Variants in CAMTA1 observed in about 807,000 individuals in gnomAD.
CAMTA1 encodes the protein calmodulin-binding transcription activator 1.
A neutral mutation model predicts 170.9 loss-of-function variants in CAMTA1; 27 were observed. That is an observed-to-expected ratio of 0.16 (90% CI 0.12 to 0.22). The LOEUF (loss-of-function observed/expected upper bound fraction) is 0.22. Among genes scored for constraint, CAMTA1 ranks in the 10% least tolerant of loss-of-function variants. The pLI is 1.00. For missense variants in CAMTA1, 1,619 were observed against 2,217.2 expected (o/e 0.73, Z 5.42); for synonymous variants, 833 against 891.5 (o/e 0.93, Z 1.17).
At chr1:6,958,433 G>C (rs960544714) in intron 3 of CAMTA1, among the ~76,000 whole-genome samples, 4 of 152,124 alleles carry the variant, frequency 2.6e-5, no homozygotes, top group Admixed American at 2.6e-4. Context: ...CGGAGAGGCA[G>C]CTGGACTCTC....
intron 6 of CAMTA1, among the ~76,000 whole-genome samples, chr1:7,598,171 T>TG: frequency 1.3e-5 from 2 of 150,026 alleles, no homozygotes; most frequent in Non-Finnish European, 3.0e-5. Context: ...CACCTATGAG[T>TG]GAGAACATGT....
chr1:7,148,138 C>T (rs530031937), intron 4 of CAMTA1, among the ~76,000 whole-genome samples: 84 of 150,866 alleles, frequency 5.6e-4, no homozygotes, highest in Non-Finnish European at 4.3e-4. Flanking sequence ...ATACACAATG[C>T]ATACACACAC....
intron 3 of CAMTA1, among the ~76,000 whole-genome samples, chr1:6,845,415 A>C (rs965470888): frequency 6.6e-6 from 1 of 152,230 alleles, no homozygotes; most frequent in East Asian, 1.9e-4. Context: ...AATCTTGTCC[A>C]GATTCAGGGA....
chr1:7,352,737 G>A (rs1574868522), intron 5 of CAMTA1, among the ~76,000 whole-genome samples: 1 of 152,342 alleles, frequency 6.6e-6, no homozygotes, highest in South Asian at 2.1e-4. Flanking sequence ...GGTGGGCTCA[G>A]GTTGGGGTTT....
At position 7,705,259 on chromosome 1, in the gene CAMTA1, C is replaced by T. The variant is rs569355333; in HGVS notation, c.2915-27189C>T. 1.0e-4 allele frequency among the ~76,000 whole-genome samples: 15 copies of T among 150,116 alleles called. 1 individual carries two copies. In the South Asian group the frequency reaches 3.1e-3, roughly 31 times the overall value. Reference sequence around the variant, plus strand: ...GGGCTGCAGGGAGGGGTGCGTTTGGCCGAGGAGTGGGTGGGAGACACGCGT... The same window carrying T: ...GGGCTGCAGGGAGGGGTGCGTTTGGTCGAGGAGTGGGTGGGAGACACGCGT... On this transcript the variant is annotated intron_variant, in intron 11 of 22. Transcript: ENST00000303635.
At chr1:7,453,570 C>T (rs1357261768) in intron 5 of CAMTA1, among the ~76,000 whole-genome samples, 1 of 152,220 alleles carries the variant, frequency 6.6e-6, no homozygotes, top group Non-Finnish European at 1.5e-5. Context: ...ACAGGCCTTC[C>T]CTGGTCCCCC....
intron 6 of CAMTA1, among the ~76,000 whole-genome samples, chr1:7,610,776 T>G (rs1246330241): frequency 2.0e-5 from 3 of 152,228 alleles, no homozygotes; most frequent in Non-Finnish European, 4.4e-5. Flanking sequence ...TGGGAGCCCC[T>G]AAGGCAAGGA....
At chr1:7,506,952 A>T (rs1193371033) in intron 6 of CAMTA1, among the ~76,000 whole-genome samples, 2 of 151,534 alleles carry the variant, frequency 1.3e-5, no homozygotes, top group Admixed American at 6.6e-5. Flanking sequence ...ATCAAAATTC[A>T]CACACACTCA....
At chr1:7,704,799 T>TGGGCCGGGCCGGGCG (rs1398605060) in intron 11 of CAMTA1, among the ~76,000 whole-genome samples, 2 of 141,476 alleles carry the variant, frequency 1.4e-5, no homozygotes, top group East Asian at 4.3e-4. Context: ...GGGGCCGGGC[T>TGGGCCGGGCCGGGCG]GGGCCGGGCC....
intron 3 of CAMTA1, among the ~76,000 whole-genome samples, chr1:6,838,697 T>C (rs1654311338): frequency 6.6e-6 from 1 of 152,172 alleles, no homozygotes. Context: ...TAACCTGGCT[T>C]TTCTCTTAAT....
At chr1:6,795,125 A>G (rs181288046) in intron 1 of CAMTA1, among the ~76,000 whole-genome samples, 11 of 152,276 alleles carry the variant, frequency 7.2e-5, no homozygotes, top group African/African-American at 2.2e-4. Flanking sequence ...GCTGTGTCCT[A>G]CTTATTTAGA....
intron 6 of CAMTA1, among the ~76,000 whole-genome samples, chr1:7,489,856 C>T (rs1229899796): frequency 6.6e-6 from 1 of 152,186 alleles, no homozygotes; most frequent in Non-Finnish European, 1.5e-5. Context: ...TGTCCGTCCC[C>T]ACTCCTCCAT....
rs1482166907 is a variant in CAMTA1 at position 6,799,779 on chromosome 1, C to G, written c.45+14204C>G. 4.6e-5 allele frequency among the ~76,000 whole-genome samples: 7 copies of G among 152,298 alleles called. No homozygotes were observed. The South Asian group carries it at 1.2e-3, about 27-fold the overall frequency. The stretch of plus-strand genomic sequence containing the variant: ...TAAAAGTTGTGTGAATGTGGTCTCT[C>G]TCTCTCTCTGATTATCTTATTGTAC... On this transcript the variant is annotated intron_variant, in intron 1 of 22. Transcript: ENST00000303635.
intron 3 of CAMTA1, among the ~76,000 whole-genome samples, chr1:7,048,171 T>C (rs1359499264): frequency 6.6e-6 from 1 of 152,126 alleles, no homozygotes; most frequent in African/African-American, 2.4e-5. Context: ...AGATTTTCTC[T>C]TTTGCTGGCT....
chr1:6,814,763 T>C (rs935051341), intron 1 of CAMTA1, among the ~76,000 whole-genome samples: 30 of 152,236 alleles, frequency 2.0e-4, no homozygotes, highest in African/African-American at 7.0e-4. Context: ...GGCGCGGCTT[T>C]AATTCTGTGG....
chr1:7,477,860 G>C (rs1273024624), intron 6 of CAMTA1, among the ~76,000 whole-genome samples: 2 of 152,124 alleles, frequency 1.3e-5, no homozygotes, highest in African/African-American at 4.8e-5. Flanking sequence ...GTGGACGAGT[G>C]GGTACTGAGT....
chr1:7,751,453 G>A, intron 20 of CAMTA1, 61 bp downstream of exon 20: 12 of 1,421,702 alleles, frequency 8.4e-6, no homozygotes, highest in Non-Finnish European at 1.1e-5. Flanking sequence ...TGACTTCTTT[G>A]AAAGACTTGT....
intron 5 of CAMTA1, among the ~76,000 whole-genome samples, chr1:7,347,934 T>C (rs1044573632): frequency 6.6e-6 from 1 of 152,226 alleles, no homozygotes; most frequent in Non-Finnish European, 1.5e-5. Context: ...GTCCCATTCA[T>C]AGGCTCTGAG....
intron 3 of CAMTA1, among the ~76,000 whole-genome samples, chr1:7,053,823 G>T (rs1309504499): frequency 6.6e-6 from 1 of 152,250 alleles, no homozygotes; most frequent in Non-Finnish European, 1.5e-5. Flanking sequence ...GTGGTTGGTT[G>T]CTCAGCATGT....
Sources: gnomAD v4.1 joint callset for allele counts (sites outside exome capture counted in the v4.1 genomes callset) on GRCh38, gnomAD v4.1.1 for gene constraint, MANE v1.5 for transcripts, NCBI Gene and HGNC (gene_info 2026-07-23, HGNC 2026-07-21) for gene names.